Variants in NALCN observed in about 807,000 individuals in gnomAD.
NALCN encodes sodium leak channel NALCN.
In NALCN, 111 loss-of-function variants were observed where a neutral mutation model predicts 225.3. The observed-to-expected ratio is 0.49, with a 90% CI of 0.42 to 0.58. NALCN has a LOEUF of 0.58. Ranked by LOEUF, NALCN falls within the 20% of genes least tolerant of loss-of-function variation. The probability of loss-of-function intolerance (pLI) is 0.00; values close to 1 mark genes in which losing one functional copy is unlikely to be tolerated. For synonymous variants in NALCN, 764 were observed against 769.0 expected, an observed-to-expected ratio of 0.99 and a Z score of 0.11; for missense variants, 1,378 against 2,202.4, an observed-to-expected ratio of 0.63 and a Z score of 7.49.
Position 101,398,475 on chromosome 13 carries a change from A to G in NALCN, c.108+544T>C, listed in dbSNP as rs753376091. On this transcript the variant is annotated intron_variant, in intron 2 of 43. Transcript: ENST00000251127. ...CCTGTCAGGCTTAGTTCTGGTTACT[A>G]TGCTTTCTGGCACACAGTCGTGCCT... 5.8e-4 allele frequency among the ~76,000 whole-genome samples: 89 copies of G among 152,170 alleles called. 1 individual carries two copies. The highest frequency in any genetic ancestry group is 1.1e-3 in the Non-Finnish European group (74 of 68,034).
At chr13:101,228,573 C>A (rs2041235256) in intron 13 of NALCN, among the ~76,000 whole-genome samples, 1 of 152,166 alleles carries the variant, frequency 6.6e-6, no homozygotes, top group South Asian at 2.1e-4. Context: ...TTCTCTCTTG[C>A]CTGCCACCAT....
chr13:101,193,967 G>A (rs1252977642), intron 13 of NALCN, among the ~76,000 whole-genome samples: 1 of 152,138 alleles, frequency 6.6e-6, no homozygotes, highest in Non-Finnish European at 1.5e-5. Flanking sequence ...CAGTATAAAA[G>A]AAATTTCACT....
chr13:101,140,177 CAAG>C (rs1409638410), intron 17 of NALCN, among the ~76,000 whole-genome samples: 2 of 152,092 alleles, frequency 1.3e-5, no homozygotes, highest in African/African-American at 2.4e-5. Flanking sequence ...TTCCACTTTC[CAAG>C]TGGGAGCAAT....
At chr13:101,245,793 T>G (rs965026586) in intron 11 of NALCN, among the ~76,000 whole-genome samples, 8 of 152,160 alleles carry the variant, frequency 5.3e-5, no homozygotes, top group African/African-American at 1.9e-4. Context: ...GGCTACTCCC[T>G]TTGCAAACCC....
chr13:101,149,580 C>G (rs1253678621), intron 15 of NALCN, among the ~76,000 whole-genome samples: 1 of 152,172 alleles, frequency 6.6e-6, no homozygotes, highest in South Asian at 2.1e-4. Flanking sequence ...GAACTCAGCA[C>G]AACTTGGTCA....
chr13:101,362,241 T>C (rs1207963591), intron 6 of NALCN, among the ~76,000 whole-genome samples: 1 of 152,060 alleles, frequency 6.6e-6, no homozygotes, highest in Non-Finnish European at 1.5e-5. Flanking sequence ...ACTACATATA[T>C]TATAAACAGT....
intron 1 of NALCN, among the ~76,000 whole-genome samples, chr13:101,411,771 A>G (rs1347796972): frequency 3.3e-5 from 5 of 152,184 alleles, no homozygotes; most frequent in Admixed American, 1.3e-4. Context: ...TTCTCATTTA[A>G]TCAAACAATT....
intron 6 of NALCN, among the ~76,000 whole-genome samples, chr13:101,372,009 C>T (rs2390621): frequency 0.65 from 98,265 of 152,078 alleles, 33,737 homozygotes; most frequent in African/African-American, 0.88. Context: ...TAAATTATTT[C>T]AGAGTTACAC....
intron 37 of NALCN, among the ~76,000 whole-genome samples, chr13:101,073,382 C>G (rs991286944): frequency 2.6e-5 from 4 of 152,096 alleles, no homozygotes; most frequent in Non-Finnish European, 4.4e-5. Context: ...TACAATAGCT[C>G]AAGTTGGGTT....
chr13:101,055,349 G>A lies in NALCN; in HGVS notation c.5163C>T (p.Thr1721=). The change falls in exon 44 of 44, where the codon ACC becomes ACT. Residue 1721 remains threonine (T), a synonymous_variant. Transcript: ENST00000251127. ...SCGSEVKKWW[T]RQLTVESDES... is the part of the protein sequence containing the mutation. ...CGTCGCTCTCCACAGTCAGCTGCCG[G>A]GTCCACCACTTCTTAACTTCAGAAC... The A allele has an allele frequency of 6.2e-7, 1 of 1,614,008 alleles. No individual in the cohort carries two copies. The highest frequency in any genetic ancestry group is 8.5e-7 in the Non-Finnish European group (1 of 1,179,970).
At chr13:101,358,222 A>G (rs539912312) in intron 6 of NALCN, among the ~76,000 whole-genome samples, 10 of 152,236 alleles carry the variant, frequency 6.6e-5, no homozygotes, top group Non-Finnish European at 1.5e-4. Flanking sequence ...GCTTATGCAC[A>G]GCAAAAGAAA....
intron 43 of NALCN, among the ~76,000 whole-genome samples, chr13:101,056,441 T>C (rs1052191503): frequency 6.6e-6 from 1 of 151,878 alleles, no homozygotes; most frequent in African/African-American, 2.4e-5. Flanking sequence ...TTTGTATTTT[T>C]AGTAGAGACA....
intron 7 of NALCN, among the ~76,000 whole-genome samples, chr13:101,333,836 C>T (rs1338558404): frequency 2.6e-5 from 4 of 152,196 alleles, no homozygotes; most frequent in African/African-American, 4.8e-5. Flanking sequence ...ACTGTCCATA[C>T]ACGATTTCCA....
At chr13:101,311,238 T>C (rs533403651) in intron 7 of NALCN, among the ~76,000 whole-genome samples, 165 of 151,718 alleles carry the variant, frequency 1.1e-3, no homozygotes, top group African/African-American at 3.6e-3. Flanking sequence ...TGAAGTTGCT[T>C]ATCAGCTTAA....
intron 13 of NALCN, 138 bp downstream of exon 13, chr13:101,229,255 T>C (rs1393105359): frequency 1.4e-5 from 11 of 812,598 alleles, no homozygotes; most frequent in Middle Eastern, 3.7e-4. Context: ...CAATTTTAAA[T>C]ATTAAAATCT....
At chr13:101,276,739 A>G (rs1257072143) in intron 10 of NALCN, among the ~76,000 whole-genome samples, 1 of 152,180 alleles carries the variant, frequency 6.6e-6, no homozygotes, top group East Asian at 1.9e-4. Context: ...TAGAAGAGTA[A>G]GAAGATCTTT....
intron 10 of NALCN, among the ~76,000 whole-genome samples, chr13:101,261,636 T>C (rs1426062656): frequency 6.6e-6 from 1 of 152,228 alleles, no homozygotes; most frequent in Non-Finnish European, 1.5e-5. Context: ...TCTTGATTTC[T>C]TTTTCACACT....
At chr13:101,144,954 T>C (rs1300452719) in intron 15 of NALCN, 58 bp from the exon 16 acceptor site, 1 of 1,500,966 alleles carries the variant, frequency 6.7e-7, no homozygotes, top group Non-Finnish European at 8.9e-7. Context: ...ATTATATACG[T>C]TACACAAAAT....
intron 13 of NALCN, among the ~76,000 whole-genome samples, chr13:101,225,691 T>C (rs988732472): frequency 1.2e-4 from 18 of 152,332 alleles, no homozygotes; most frequent in African/African-American, 4.3e-4. Flanking sequence ...ATGTTGCTTC[T>C]ATCTCAACCA....
Sources: allele counts gnomAD v4.1 joint callset (sites outside exome capture counted in the v4.1 genomes callset), GRCh38; gene constraint gnomAD v4.1.1; transcripts MANE v1.5; gene names NCBI Gene and HGNC (gene_info 2026-07-23, HGNC 2026-07-21).